Variants in WDR20 observed in about 807,000 individuals in gnomAD.
WDR20 encodes WD repeat-containing protein 20.
In WDR20, 3 loss-of-function variants were observed where a neutral mutation model predicts 38.7. The ratio of observed to expected loss-of-function variants is 0.08; its 90% CI spans 0.04 to 0.20. The LOEUF (loss-of-function observed/expected upper bound fraction) is 0.20, where lower values mean the gene tolerates loss of function less well. Ranked by LOEUF, WDR20 falls within the 10% of genes least tolerant of loss-of-function variation. WDR20 has a pLI of 1.00. For missense variants in WDR20, 559 were observed against 727.7 expected (o/e 0.77, Z 2.67); for synonymous variants, 298 against 285.6 (o/e 1.04, Z -0.44).
intron 2 of WDR20, among the ~76,000 whole-genome samples, chr14:102,203,979 T>G (rs756536978): frequency 9.2e-5 from 14 of 152,264 alleles, no homozygotes; most frequent in Non-Finnish European, 2.1e-4. Context: ...GTTCTCTTCC[T>G]CTTTTGTCAA....
chr14:102,216,113 C>T (rs148135682), downstream of WDR20, among the ~76,000 whole-genome samples: 76 of 152,280 alleles, frequency 5.0e-4, no homozygotes, highest in African/African-American at 1.7e-3. Flanking sequence ...TGGGGAACTC[C>T]CAGAAGCTTC....
intron 1 of WDR20, among the ~76,000 whole-genome samples, chr14:102,177,661 T>G (rs2062444260): frequency 6.6e-6 from 1 of 152,168 alleles, no homozygotes; most frequent in South Asian, 2.1e-4. Context: ...AGAAAAGCTT[T>G]AGGGAGTGGA....
chr14:102,203,518 T>C (rs548634349), intron 2 of WDR20, among the ~76,000 whole-genome samples: 1 of 152,292 alleles, frequency 6.6e-6, no homozygotes, highest in African/African-American at 2.4e-5. Flanking sequence ...AGCCACAGCC[T>C]GAGTCCCAGC....
At chr14:102,212,419 T>G, downstream of WDR20, 1 of 1,269,126 alleles carries the variant, frequency 7.9e-7, no homozygotes, top group East Asian at 2.6e-5. Flanking sequence ...TTTGACTGCA[T>G]GTCCTGACCC....
chr14:102,212,800 T>C, downstream of WDR20: 4 of 1,353,756 alleles, frequency 3.0e-6, no homozygotes, highest in Middle Eastern at 2.8e-4. Flanking sequence ...CGCCAAACTT[T>C]GAGCTTCCTC....
chr14:102,153,305 TTC>T (rs2056540005), intron 1 of WDR20, among the ~76,000 whole-genome samples: 1 of 84,764 alleles, frequency 1.2e-5, no homozygotes, highest in African/African-American at 3.5e-5. Context: ...TGAAACCTCT[TTC>T]TTTTTTTTTT....
downstream of WDR20, among the ~76,000 whole-genome samples, chr14:102,219,557 G>C (rs138763568): frequency 6.6e-6 from 1 of 152,346 alleles, no homozygotes; most frequent in South Asian, 2.1e-4. Flanking sequence ...TTGGGCCTTC[G>C]CTTCGCCTTC....
At chr14:102,160,989 C>G (rs1223356766) in intron 1 of WDR20, among the ~76,000 whole-genome samples, 2 of 142,106 alleles carry the variant, frequency 1.4e-5, no homozygotes, top group Non-Finnish European at 3.1e-5. Flanking sequence ...CAGTGAATAA[C>G]CTCACATGTA....
downstream of WDR20, among the ~76,000 whole-genome samples, chr14:102,215,673 T>A (rs1351594689): frequency 1.3e-5 from 2 of 152,146 alleles, no homozygotes; most frequent in Non-Finnish European, 2.9e-5. Context: ...CTAGAGTTCA[T>A]TGTCTGCCTA....
At chr14:102,160,947 C>CA (rs57488628) in intron 1 of WDR20, among the ~76,000 whole-genome samples, 39,017 of 54,510 alleles carry the variant, frequency 0.72, 14,817 homozygotes, top group East Asian at 0.92. Flanking sequence ...GACTCTGTCT[C>CA]AAAAAAAAAA....
chr14:102,156,596 C>G (rs1443424455), intron 1 of WDR20, among the ~76,000 whole-genome samples: 1 of 151,820 alleles, frequency 6.6e-6, no homozygotes, highest in African/African-American at 2.4e-5. Context: ...GCAGCCTTGA[C>G]TTCCTGGGCT....
intron 2 of WDR20, among the ~76,000 whole-genome samples, chr14:102,203,105 G>A (rs1428045010): frequency 6.6e-6 from 1 of 152,074 alleles, no homozygotes; most frequent in African/African-American, 2.4e-5. Context: ...ACCCCACCTT[G>A]CATTCTGCAC....
chr14:102,222,774 G>T lies in WDR20; in HGVS notation c.1693-56G>T. Reference sequence around the variant, plus strand: ...GAGCTGCTGGCGGAGGGCGCGCATGGTGGCTGTTGCCCGTCCGGTGTTTTG... The same window carrying T: ...GAGCTGCTGGCGGAGGGCGCGCATGTTGGCTGTTGCCCGTCCGGTGTTTTG... On this transcript the variant is annotated intron_variant, in intron 3 of 3. Coordinates refer to the WDR20 transcript ENST00000335263. The surrounding 1 kb of genome is among the most constrained non-coding windows in gnomAD (Gnocchi z 4.4). 6.2e-7 allele frequency: 1 copy of T among 1,605,026 alleles called. No individual in the cohort carries two copies. Among genetic ancestry groups the T allele is most frequent in the South Asian group, 1.1e-5 (1 of 90,746 alleles).
chr14:102,224,529 T>C (rs1567116001), downstream of WDR20: 1 of 454,960 alleles, frequency 2.2e-6, no homozygotes, highest in South Asian at 1.6e-5. Flanking sequence ...TGTGAGACTT[T>C]AAACCATGAA....
chr14:102,209,618 G>C lies in WDR20; in HGVS notation c.1448G>C (p.Ser483Thr), dbSNP rs200502921. ...HHEKDHKRNH[S>T]MGHISSKSSD... ...GAGAAAGATCACAAGCGAAATCATAGCATGGGACACATTTCTAGCAAGAGC... is the reference window on the plus strand; with the variant it reads ...GAGAAAGATCACAAGCGAAATCATACCATGGGACACATTTCTAGCAAGAGC... The change falls in exon 3 of 3, where the codon AGC becomes ACC. Residue 483 changes from serine (S) to threonine (T), a missense_variant. Transcript: ENST00000342702. The surrounding 1 kb of genome is among the most constrained non-coding windows in gnomAD (Gnocchi z 6.0). 21 of 1,614,184 alleles carry C rather than the reference G, an allele frequency of 1.3e-5. No homozygotes were observed. The East Asian group carries it at 4.0e-4, about 31-fold the overall frequency.
chr14:102,179,093 T>G (rs2152867557), intron 1 of WDR20: 1 of 152,294 alleles, frequency 6.6e-6, no homozygotes, highest in East Asian at 1.9e-4. Context: ...CGTGTGCCTG[T>G]GTGGCTGTCA....
intron 1 of WDR20, among the ~76,000 whole-genome samples, chr14:102,167,212 C>CTTAT (rs1384121103): frequency 3.6e-4 from 55 of 151,992 alleles, no homozygotes; most frequent in African/African-American, 8.4e-4. Flanking sequence ...GATTCTTCTT[C>CTTAT]TTATTTATTT....
At chr14:102,168,465 C>T (rs1394985153) in intron 1 of WDR20, among the ~76,000 whole-genome samples, 1 of 151,740 alleles carries the variant, frequency 6.6e-6, no homozygotes, top group African/African-American at 2.4e-5. Flanking sequence ...AATTTAGGTC[C>T]CTAGTACCGA....
downstream of WDR20, chr14:102,215,014 A>G (rs2063044022): frequency 1.9e-5 from 19 of 981,448 alleles, no homozygotes; most frequent in Non-Finnish European, 2.2e-5. Context: ...AATGTAGATA[A>G]TTTTCAGTAG....
Sources: allele counts gnomAD v4.1 joint callset (sites outside exome capture counted in the v4.1 genomes callset), GRCh38; gene constraint gnomAD v4.1.1; non-coding constraint Gnocchi (gnomAD v3.1); transcripts MANE v1.5; gene names NCBI Gene and HGNC (gene_info 2026-07-23, HGNC 2026-07-21).